Variants in ZNF91 observed in about 807,000 individuals in gnomAD.
ZNF91 encodes the protein zinc finger protein 91, also known as zinc finger protein 91 (HPF7, HTF10).
In ZNF91, 7 loss-of-function variants were observed where a neutral mutation model predicts 12.6. The observed-to-expected ratio is 0.55, with a 90% CI of 0.31 to 1.04. ZNF91 has a LOEUF of 1.04. Ranked by LOEUF, ZNF91 falls within the 50% of genes least tolerant of loss-of-function variation. ZNF91 has a pLI of 0.05. For missense variants in ZNF91, 1,217 were observed against 1,385.4 expected (o/e 0.88, Z 1.93); for synonymous variants, 453 against 462.6 (o/e 0.98, Z 0.27).
chr19:23,315,714 A>G lies in ZNF91; in HGVS notation n.117-6617T>C, dbSNP rs554487356. On this transcript the variant is annotated intron_variant and non_coding_transcript_variant, in intron 1 of 1. Coordinates refer to the ZNF91 transcript ENST00000596528. ...TGGCAGATAAGTGAGCACTGACTCT[A>G]TGTTATATGAGGCCTCTCTTTTTTT... Among the ~76,000 whole-genome samples, 20 of 152,226 alleles carry G rather than the reference A, an allele frequency of 1.3e-4. 1 individual carries two copies. In the South Asian group the frequency reaches 3.7e-3, roughly 28 times the overall value.
chr19:23,329,898 C>A (rs1216533575), intron 1 of ZNF91, among the ~76,000 whole-genome samples: 2 of 152,178 alleles, frequency 1.3e-5, no homozygotes, highest in African/African-American at 4.8e-5. Flanking sequence ...TCAAGGCATG[C>A]CTCAACTACT....
In ZNF91 at chr19:23,359,316, G is replaced by A. The variant is rs527938856; in HGVS notation, c.*87C>T. On this transcript the variant is annotated 3_prime_UTR_variant, in exon 4 of 4. Transcript: ENST00000300619. ...CGGCTCACTGCAAGCTCCGCCTCCC[G>A]GGTTCACGCCATTCTCCTGCCTCAG... 1.2e-3 allele frequency: 654 copies of A among 550,970 alleles called. 8 individuals are homozygous for A. The highest frequency in any genetic ancestry group is 7.9e-3 in the South Asian group (376 of 47,708). 34.1% of individuals were successfully genotyped at this position (550,970 alleles called of 1,614,324 possible).
intron 1 of ZNF91, among the ~76,000 whole-genome samples, chr19:23,383,738 C>T (rs1456366399): frequency 1.3e-5 from 2 of 151,390 alleles, no homozygotes; most frequent in Non-Finnish European, 2.9e-5. Context: ...TGGCAAAAGG[C>T]AAAAGATGCC....
At chr19:23,389,145 A>T (rs1296019692) in intron 1 of ZNF91, among the ~76,000 whole-genome samples, 1 of 152,126 alleles carries the variant, frequency 6.6e-6, no homozygotes, top group Non-Finnish European at 1.5e-5. Context: ...CCCCTAAACC[A>T]AAAATAGAAG....
chr19:23,357,838 G>A lies in ZNF91; in HGVS notation c.*1565C>T, dbSNP rs965772625. The A allele has an allele frequency of 1.3e-5, 2 of 152,066 alleles. No individual in the cohort carries two copies. Among genetic ancestry groups the A allele is most frequent in the African/African-American group, 4.8e-5 (2 of 41,414 alleles). The allele number at this position is 152,066 out of a possible 1,614,324, so 9.4% of individuals were successfully genotyped here. A position where few individuals can be genotyped will look rare whatever the true frequency, so the allele number is the denominator to read the frequency against. The stretch of plus-strand genomic sequence containing the variant: ...TGTAATACAAAGAATAAATGCTAGA[G>A]GTAATGGAGACCGCATTTAGTCTAA... On this transcript the variant is annotated 3_prime_UTR_variant, in exon 4 of 4. Coordinates refer to ENST00000300619, the MANE Select transcript of ZNF91 (RefSeq NM_003430.4).
upstream of ZNF91, among the ~76,000 whole-genome samples, chr19:23,315,542 T>C (rs2438154): frequency 0.29 from 44,418 of 152,080 alleles, 6,849 homozygotes; most frequent in East Asian, 0.39. Flanking sequence ...CAACATATCT[T>C]TGGGCCCATG....
At chr19:23,368,094 G>C (rs528775749) in intron 3 of ZNF91, among the ~76,000 whole-genome samples, 11 of 152,076 alleles carry the variant, frequency 7.2e-5, no homozygotes, top group African/African-American at 2.6e-4. Context: ...ATTTTTAGTA[G>C]AGACAGGGTT....
At chr19:23,309,911 C>A (rs1263689464) in intron 1 of ZNF91, among the ~76,000 whole-genome samples, 1 of 152,148 alleles carries the variant, frequency 6.6e-6, no homozygotes, top group African/African-American at 2.4e-5. Flanking sequence ...CACCCTCACA[C>A]ATGGATGAAG....
chr19:23,390,107 A>G (rs112755331), intron 1 of ZNF91, among the ~76,000 whole-genome samples: 119 of 152,312 alleles, frequency 7.8e-4, no homozygotes, highest in African/African-American at 2.7e-3. Context: ...ACCTGAGATC[A>G]GGAGTTCAAG....
At chr19:23,323,855 CCTA>C (rs1967778091) in intron 1 of ZNF91, 1 of 132,282 alleles carries the variant, frequency 7.6e-6, no homozygotes, top group Admixed American at 7.0e-5. Context: ...TTTTCCTCCT[CCTA>C]TTCTTCTCCT....
chr19:23,383,959 A>C (rs1969796455), intron 1 of ZNF91, among the ~76,000 whole-genome samples: 1 of 151,920 alleles, frequency 6.6e-6, no homozygotes, highest in African/African-American at 2.4e-5. Context: ...AAAATACAAA[A>C]ATTAGCCAAG....
At chr19:23,369,627 T>C (rs567969322) in intron 3 of ZNF91, among the ~76,000 whole-genome samples, 20 of 152,226 alleles carry the variant, frequency 1.3e-4, no homozygotes, top group African/African-American at 4.8e-4. Flanking sequence ...TAGAAAGAAG[T>C]ACACACAGGA....
chr19:23,385,970 T>C (rs1568403300), intron 1 of ZNF91, among the ~76,000 whole-genome samples: 2 of 152,140 alleles, frequency 1.3e-5, no homozygotes, highest in Non-Finnish European at 2.9e-5. Flanking sequence ...AAAAAAATAA[T>C]TTTAGGATAC....
chr19:23,356,393 T>C (rs1044442490), downstream of ZNF91, among the ~76,000 whole-genome samples: 1 of 152,076 alleles, frequency 6.6e-6, no homozygotes, highest in African/African-American at 2.4e-5. Flanking sequence ...CACATACATA[T>C]ATATATGTTG....
At chr19:23,312,787 G>C (rs1004524561), upstream of ZNF91, among the ~76,000 whole-genome samples, 1 of 152,174 alleles carries the variant, frequency 6.6e-6, no homozygotes, top group Admixed American at 6.5e-5. Context: ...AGAATCTCAT[G>C]CATCAGGTAT....
At chr19:23,337,211 GAGACTT>G (rs79506762), downstream of ZNF91, among the ~76,000 whole-genome samples, 1,919 of 151,992 alleles carry the variant, frequency 0.013, 146 homozygotes, top group East Asian at 0.24. Flanking sequence ...ATTGTTTTCT[GAGACTT>G]AGACTTAGAC....
At chr19:23,333,696 GAATA>G (rs1168511779) in intron 1 of ZNF91, among the ~76,000 whole-genome samples, 5 of 152,246 alleles carry the variant, frequency 3.3e-5, no homozygotes, top group Admixed American at 1.3e-4. Flanking sequence ...TTGAAACTAG[GAATA>G]AATAGAGAAA....
At chr19:23,342,136 G>T in intron 3 of ZNF91, 1 of 420,122 alleles carries the variant, frequency 2.4e-6, no homozygotes, top group Non-Finnish European at 4.4e-6. Flanking sequence ...CGTATCCCTC[G>T]TCTCTGTTAT....
At position 23,365,226 on chromosome 19, in the gene ZNF91, A is replaced by T. The variant is rs865970793; in HGVS notation, c.254-2501T>A. 2.0e-5 allele frequency among the ~76,000 whole-genome samples: 3 copies of T among 152,068 alleles called. No homozygotes were observed. In the South Asian group the frequency reaches 6.2e-4, roughly 31 times the overall value. On this transcript the variant is annotated intron_variant, in intron 3 of 3. Coordinates refer to ENST00000300619, the MANE Select transcript of ZNF91 (RefSeq NM_003430.4). The stretch of plus-strand genomic sequence containing the variant: ...ACTTGATTTAAATTTATTTCACTTT[A>T]AAAAGAAGATGAAAATAAAAAATTT...
Sources: gnomAD v4.1 joint callset for allele counts (sites outside exome capture counted in the v4.1 genomes callset) on GRCh38, gnomAD v4.1.1 for gene constraint, MANE v1.5 for transcripts, NCBI Gene and HGNC (gene_info 2026-07-23, HGNC 2026-07-21) for gene names.